The following RALYL variants were observed in gnomAD, a reference collection of about 807,000 sequenced individuals.
RALYL encodes RNA-binding Raly-like protein.
Under a neutral mutation model 35.1 loss-of-function variants are expected in RALYL, and 29 were observed. That is an observed-to-expected ratio of 0.83 (90% CI 0.61 to 1.13). The LOEUF (loss-of-function observed/expected upper bound fraction) is 1.13, where lower values mean the gene tolerates loss of function less well. Among genes scored for constraint, RALYL ranks in the 50% most tolerant of loss-of-function variants. The pLI is 0.00. For missense variants in RALYL, 359 were observed against 360.4 expected, an observed-to-expected ratio of 1.00 and a Z score of 0.03; for synonymous variants, 120 against 127.6, an observed-to-expected ratio of 0.94 and a Z score of 0.40.
At chr8:84,584,387 G>T (rs552985447) in intron 2 of RALYL, among the ~76,000 whole-genome samples, 141 of 152,116 alleles carry the variant, frequency 9.3e-4, no homozygotes, top group African/African-American at 3.3e-3. Flanking sequence ...AGTGGATCAC[G>T]TGGTCAAGAG....
chr8:84,361,867 C>T (rs765732410), intron 1 of RALYL, among the ~76,000 whole-genome samples: 7 of 152,020 alleles, frequency 4.6e-5, no homozygotes, highest in African/African-American at 7.2e-5. Context: ...TTTGATAGGC[C>T]GGTTGGTGTA....
intron 1 of RALYL, among the ~76,000 whole-genome samples, chr8:84,257,670 A>T (rs1376299876): frequency 6.6e-6 from 1 of 152,122 alleles, no homozygotes; most frequent in Non-Finnish European, 1.5e-5. Context: ...GAGTAACTCT[A>T]GAGCGTTAGG....
chr8:84,364,356 A>G (rs943117623), intron 1 of RALYL, among the ~76,000 whole-genome samples: 10 of 152,126 alleles, frequency 6.6e-5, no homozygotes, highest in Admixed American at 2.6e-4. Flanking sequence ...CAATGCAGAT[A>G]TTTATCTGCT....
In RALYL at chr8:84,341,987, T is replaced by C. The variant is rs574963021; in HGVS notation, c.-24+157563T>C. Among the ~76,000 whole-genome samples the C allele has an allele frequency of 6.6e-4, 101 of 151,888 alleles. 3 individuals carry two copies. The South Asian group carries it at 0.02, about 30-fold the overall frequency. ...AACCTAGTGTAACTAACACAGAGGA[T>C]AGCCCATAGTAAAGATTAGATGCAT... On this transcript the variant is annotated intron_variant, in intron 1 of 8. Transcript: ENST00000521268.
chr8:84,598,367 T>G (rs1815096514), intron 2 of RALYL, among the ~76,000 whole-genome samples: 1 of 152,118 alleles, frequency 6.6e-6, no homozygotes, highest in Admixed American at 6.6e-5. Flanking sequence ...GTTTCTCATT[T>G]CTGTAGAAGG....
chr8:84,914,251 C>T (rs1469319108), intron 8 of RALYL, among the ~76,000 whole-genome samples: 3 of 151,964 alleles, frequency 2.0e-5, no homozygotes, highest in South Asian at 2.1e-4. Flanking sequence ...CTTGGCTTTT[C>T]GCACTAGCAT....
At chr8:84,692,301 A>G (rs1838224119) in intron 2 of RALYL, among the ~76,000 whole-genome samples, 1 of 152,024 alleles carries the variant, frequency 6.6e-6, no homozygotes, top group African/African-American at 2.4e-5. Flanking sequence ...AAAATCAAAA[A>G]CAATATGGAC....
rs149612966 is a variant in RALYL, at chr8:84,799,243, G to A, written c.333-5527G>A. Among the ~76,000 whole-genome samples, 84 of 152,184 alleles carry A rather than the reference G, an allele frequency of 5.5e-4. No homozygotes were observed. In the East Asian group the frequency reaches 0.015, roughly 27 times the overall value. ...ACACTGGAAATTTTTAATTCACCAC[G>A]GTTAAGTGTTACAGAGTGCTATGAA... On this transcript the variant is annotated intron_variant, in intron 3 of 8. Transcript: ENST00000521268.
At chr8:84,575,584 A>G (rs932118673) in intron 2 of RALYL, among the ~76,000 whole-genome samples, 3 of 152,190 alleles carry the variant, frequency 2.0e-5, no homozygotes, top group Non-Finnish European at 2.9e-5. Flanking sequence ...TGACACAGCA[A>G]AGGCTCATTC....
intron 2 of RALYL, among the ~76,000 whole-genome samples, chr8:84,668,828 A>AT (rs1832607967): frequency 1.3e-5 from 2 of 152,222 alleles, no homozygotes; most frequent in South Asian, 2.1e-4. Context: ...ATATTAAAGG[A>AT]TTTTTTTAAA....
At chr8:84,315,891 G>A (rs763038420) in intron 1 of RALYL, among the ~76,000 whole-genome samples, 2 of 150,942 alleles carry the variant, frequency 1.3e-5, no homozygotes, top group Non-Finnish European at 3.0e-5. Context: ...TGAATTTTTA[G>A]CCTAAATGAA....
intron 1 of RALYL, among the ~76,000 whole-genome samples, chr8:84,186,866 A>G (rs1293107844): frequency 6.6e-6 from 1 of 152,138 alleles, no homozygotes; most frequent in Non-Finnish European, 1.5e-5. Flanking sequence ...TACAACTCTT[A>G]AACTGGCCAC....
At chr8:84,360,713 A>C (rs1360553720) in intron 1 of RALYL, among the ~76,000 whole-genome samples, 1 of 152,172 alleles carries the variant, frequency 6.6e-6, no homozygotes, top group Admixed American at 6.6e-5. Flanking sequence ...GGAAATCCTT[A>C]AAAATAGAAT....
At chr8:84,567,489 AC>A (rs1346018336) in intron 2 of RALYL, among the ~76,000 whole-genome samples, 8 of 151,766 alleles carry the variant, frequency 5.3e-5, no homozygotes, top group African/African-American at 1.9e-4. Flanking sequence ...GAGATATTTT[AC>A]TTAGGTCTCC....
chr8:84,523,701 T>C (rs1313349474), intron 1 of RALYL, among the ~76,000 whole-genome samples: 93 of 125,796 alleles, frequency 7.4e-4, no homozygotes, highest in African/African-American at 2.6e-3. Flanking sequence ...GAGTGTGATA[T>C]TCCCCTTCCT....
At chr8:84,582,772 G>A (rs1811120442) in intron 2 of RALYL, among the ~76,000 whole-genome samples, 1 of 151,804 alleles carries the variant, frequency 6.6e-6, no homozygotes, top group Admixed American at 6.6e-5. Flanking sequence ...ACCCCTTCAG[G>A]ATGATTTGCT....
chr8:84,499,672 G>A (rs919105092), intron 1 of RALYL, among the ~76,000 whole-genome samples: 6 of 151,970 alleles, frequency 3.9e-5, no homozygotes, highest in Admixed American at 3.9e-4. Flanking sequence ...CCTGTGAATT[G>A]AGAGACCTTA....
chr8:84,772,940 A>C (rs2133563061), intron 2 of RALYL, among the ~76,000 whole-genome samples: 1 of 152,256 alleles, frequency 6.6e-6, no homozygotes, highest in African/African-American at 2.4e-5. Context: ...TCATTTCTTG[A>C]AGCATTAGGT....
chr8:84,188,490 C>T (rs1285976378), intron 1 of RALYL, among the ~76,000 whole-genome samples: 1 of 152,042 alleles, frequency 6.6e-6, no homozygotes, highest in Non-Finnish European at 1.5e-5. Flanking sequence ...ATGCCATTTC[C>T]ATAATTCAGT....
Sources: gnomAD v4.1 joint callset for allele counts (sites outside exome capture counted in the v4.1 genomes callset) on GRCh38, gnomAD v4.1.1 for gene constraint, MANE v1.5 for transcripts, NCBI Gene and HGNC (gene_info 2026-07-23, HGNC 2026-07-21) for gene names.